The following TCERG1L variants were observed in gnomAD, a reference collection of about 807,000 sequenced individuals.
TCERG1L encodes transcription elongation regulator 1 like.
Under a neutral mutation model 56.3 loss-of-function variants are expected in TCERG1L, and 37 were observed. That is an observed-to-expected ratio of 0.66 (90% CI 0.51 to 0.87). The LOEUF (loss-of-function observed/expected upper bound fraction) is 0.87, where lower values mean the gene tolerates loss of function less well. TCERG1L is among the 40% of genes least tolerant of loss of function. The pLI, the probability that TCERG1L is intolerant of heterozygous loss-of-function variation, is 0.00. For missense variants in TCERG1L, 799 were observed against 774.2 expected (o/e 1.03, Z -0.38); for synonymous variants, 324 against 326.3 (o/e 0.99, Z 0.08).
intron 7 of TCERG1L, among the ~76,000 whole-genome samples, chr10:131,143,705 C>T (rs1845763731): frequency 6.6e-6 from 1 of 152,176 alleles, no homozygotes; most frequent in Admixed American, 6.5e-5. Context: ...CACACCAGCA[C>T]CCTCCAAACT....
rs1846300575 is a variant in TCERG1L at position 131,267,685 on chromosome 10, C to G, written c.671-7241G>C. On this transcript the variant is annotated intron_variant, in intron 3 of 11. Coordinates refer to ENST00000368642, the MANE Select transcript of TCERG1L (RefSeq NM_174937.4). This position sits in a 1 kb window ranked among gnomAD's most constrained non-coding sequence, Gnocchi z 4.9. The stretch of plus-strand genomic sequence containing the variant: ...TGTGAGGTTGAAGCTGTGGCAGAGG[C>G]TCCAAGCCTCGGAGCAGGTCCTGCC... 6.6e-6 allele frequency among the ~76,000 whole-genome samples: 1 copy of G among 152,226 alleles called. No homozygotes were observed. Among genetic ancestry groups the G allele is most frequent in the Admixed American group, 6.5e-5 (1 of 15,282 alleles).
intron 3 of TCERG1L, among the ~76,000 whole-genome samples, chr10:131,266,763 G>A (rs1048718792): frequency 3.9e-5 from 6 of 152,168 alleles, no homozygotes; most frequent in African/African-American, 9.7e-5. Flanking sequence ...TCAGCAGAGA[G>A]GAGGCCTTGG....
At chr10:131,288,876 C>A (rs1335562661) in intron 3 of TCERG1L, among the ~76,000 whole-genome samples, 1 of 152,114 alleles carries the variant, frequency 6.6e-6, no homozygotes, top group Non-Finnish European at 1.5e-5. Context: ...GCGCCTCGAG[C>A]GGGAGCCAAC....
At chr10:131,150,599 A>C (rs1267232692) in intron 6 of TCERG1L, among the ~76,000 whole-genome samples, 1 of 152,120 alleles carries the variant, frequency 6.6e-6, no homozygotes, top group Non-Finnish European at 1.5e-5. Context: ...GGACTGGGGG[A>C]AGAAGAAGCT....
chr10:131,153,249 C>T (rs1236547546), intron 6 of TCERG1L, among the ~76,000 whole-genome samples: 1 of 152,156 alleles, frequency 6.6e-6, no homozygotes, highest in Non-Finnish European at 1.5e-5. Context: ...CTGGCTTAGA[C>T]TCATCTCCAG....
chr10:131,099,667 C>G (rs879636488), intron 10 of TCERG1L, among the ~76,000 whole-genome samples: 4 of 152,160 alleles, frequency 2.6e-5, no homozygotes, highest in Non-Finnish European at 5.9e-5. Flanking sequence ...GCCCCTTCTC[C>G]GGAGTGGCTT....
chr10:131,229,344 A>G (rs1845825844), intron 4 of TCERG1L, among the ~76,000 whole-genome samples: 1 of 152,228 alleles, frequency 6.6e-6, no homozygotes, highest in African/African-American at 2.4e-5. Context: ...CAGACTTTTT[A>G]GTTCTTTCCA....
At chr10:131,111,146 C>A (rs1469286633) in intron 9 of TCERG1L, among the ~76,000 whole-genome samples, 1 of 143,356 alleles carries the variant, frequency 7.0e-6, no homozygotes, top group East Asian at 2.3e-4. Context: ...CAGTCCACGG[C>A]CTCTCCAAGG....
intron 3 of TCERG1L, among the ~76,000 whole-genome samples, chr10:131,306,174 A>C (rs1846816742): frequency 6.6e-6 from 1 of 152,202 alleles, no homozygotes; most frequent in South Asian, 2.1e-4. Context: ...AGTTAGTAAC[A>C]CATAAATAAC....
intron 3 of TCERG1L, among the ~76,000 whole-genome samples, chr10:131,304,267 C>T (rs1846797121): frequency 6.6e-6 from 1 of 152,006 alleles, no homozygotes. Flanking sequence ...CCTCCCACTG[C>T]TTGATATTCT....
At chr10:131,166,323 C>T (rs749827973) in intron 5 of TCERG1L, among the ~76,000 whole-genome samples, 3 of 152,222 alleles carry the variant, frequency 2.0e-5, no homozygotes, top group Non-Finnish European at 2.9e-5. Flanking sequence ...AAAAAGGACT[C>T]CCTTGGGTTA....
intron 4 of TCERG1L, among the ~76,000 whole-genome samples, chr10:131,222,688 A>G (rs79758915): frequency 0.046 from 6,949 of 152,268 alleles, 391 homozygotes; most frequent in East Asian, 0.26. Flanking sequence ...CTACTCAGGA[A>G]AGACTATGTC....
At chr10:131,300,895 G>A (rs1456325314) in intron 3 of TCERG1L, among the ~76,000 whole-genome samples, 1 of 152,036 alleles carries the variant, frequency 6.6e-6, no homozygotes, top group African/African-American at 2.4e-5. Flanking sequence ...TTTTGTCAGT[G>A]TATTCAGGGG....
intron 4 of TCERG1L, among the ~76,000 whole-genome samples, chr10:131,210,434 C>T (rs905344874): frequency 1.3e-5 from 2 of 152,226 alleles, no homozygotes; most frequent in South Asian, 4.1e-4. Context: ...CTGACCAATC[C>T]ACTCTCCAAA....
In TCERG1L at chr10:131,285,532, GAAAAGA is replaced by G. The variant is rs1476779460; in HGVS notation, c.670+22673_670+22678del. ...AGAAAGAAAGAAAGAAAGAGAGAAA[GAAAAGA>G]AAAGAAAGAAAGGAAGGAAGAAAGA... is the stretch of plus-strand genomic sequence containing the variant. On this transcript the variant is annotated intron_variant, in intron 3 of 11. Transcript: ENST00000368642. Among the ~76,000 whole-genome samples, 29 of 37,990 alleles carry G rather than the reference GAAAAGA, an allele frequency of 7.6e-4. 1 individual carries two copies. Among genetic ancestry groups the G allele is most frequent in the East Asian group, 5.1e-3 (5 of 984 alleles). 24.9% of individuals were successfully genotyped at this position (37,990 alleles called of 152,430 possible).
In TCERG1L at chr10:131,098,374, C is replaced by T. The variant is rs767965022; in HGVS notation, c.1536G>A (p.Lys512=). The change falls in exon 11 of 12, where the codon AAG becomes AAA. Residue 512 remains lysine, a synonymous_variant. Coordinates refer to ENST00000368642, the MANE Select transcript of TCERG1L (RefSeq NM_174937.4). ...KTRIKEEYKE[K]KSKLLLAKEE... ...CTTTGGCTAGCAGCAATTTACTTTT[C>T]TTTTCCTTGTATTCTTCTTTTATTC... The T allele has an allele frequency of 6.4e-7, 1 of 1,552,064 alleles. No individual in the cohort carries two copies. Among genetic ancestry groups the T allele is most frequent in the East Asian group, 2.4e-5 (1 of 41,446 alleles).
intron 4 of TCERG1L, among the ~76,000 whole-genome samples, chr10:131,221,743 C>T (rs750009775): frequency 4.6e-5 from 7 of 152,166 alleles, no homozygotes; most frequent in Non-Finnish European, 7.3e-5. Context: ...CAGCAGAGCA[C>T]GTCGTAATCA....
chr10:131,172,424 A>T (rs965384422), intron 4 of TCERG1L, among the ~76,000 whole-genome samples: 3 of 152,212 alleles, frequency 2.0e-5, no homozygotes, highest in African/African-American at 7.2e-5. Context: ...TCCTCTGATG[A>T]TCTTGGAACT....
chr10:131,137,427 T>C (rs74160859), intron 7 of TCERG1L, among the ~76,000 whole-genome samples: 3,844 of 152,322 alleles, frequency 0.025, 156 homozygotes, highest in African/African-American at 0.084. Flanking sequence ...ACAGAGGCTC[T>C]CTCAACTCCC....
Sources: gnomAD v4.1 joint callset for allele counts (sites outside exome capture counted in the v4.1 genomes callset) on GRCh38, gnomAD v4.1.1 for gene constraint, Gnocchi (gnomAD v3.1) non-coding constraint, MANE v1.5 for transcripts, NCBI Gene and HGNC (gene_info 2026-07-23, HGNC 2026-07-21) for gene names.